The following GMDS variants were observed in gnomAD, a reference collection of about 807,000 sequenced individuals.
GMDS encodes the protein GDP-mannose 4,6-dehydratase.
Under a neutral mutation model 49.9 loss-of-function variants are expected in GMDS, and 20 were observed. That is an observed-to-expected ratio of 0.40 (90% CI 0.28 to 0.58). The LOEUF is 0.58. Among genes scored for constraint, GMDS ranks in the 20% least tolerant of loss-of-function variants. The pLI is 0.42. For missense variants in GMDS, 362 were observed against 481.4 expected, an observed-to-expected ratio of 0.75 and a Z score of 2.32; for synonymous variants, 177 against 178.6, an observed-to-expected ratio of 0.99 and a Z score of 0.07.
intron 1 of GMDS, among the ~76,000 whole-genome samples, chr6:2,244,788 C>G (rs1467527720): frequency 2.0e-5 from 3 of 152,048 alleles, no homozygotes; most frequent in African/African-American, 7.3e-5. Context: ...TAGTAGGTGA[C>G]TCCACAGCAT....
rs192685213 is a variant in GMDS at position 2,093,361 on chromosome 6, G to A, written c.345+22410C>T. On this transcript the variant is annotated intron_variant, in intron 4 of 10. Coordinates refer to ENST00000380815, the MANE Select transcript of GMDS (RefSeq NM_001500.4). ...TTTTGCATTATGCATTCTGTTTCTC[G>A]TAAAAGATGAATGATGAGAAAACAA... Among the ~76,000 whole-genome samples the A allele has an allele frequency of 2.7e-3, 413 of 152,130 alleles. 2 individuals are homozygous for A. Among genetic ancestry groups the A allele is most frequent in the African/African-American group, 9.6e-3 (398 of 41,496 alleles).
chr6:1,853,569 T>A (rs11969147), intron 7 of GMDS, among the ~76,000 whole-genome samples: 4,143 of 142,584 alleles, frequency 0.029, 191 homozygotes, highest in African/African-American at 0.1. Context: ...CTCATATGAG[T>A]GTGTGTGTGT....
intron 7 of GMDS, among the ~76,000 whole-genome samples, chr6:1,809,278 T>C (rs1159297596): frequency 2.6e-5 from 4 of 152,206 alleles, no homozygotes; most frequent in Non-Finnish European, 5.9e-5. Flanking sequence ...AAGTGTAAAA[T>C]ACTAGTGTCC....
At chr6:2,214,762 T>C (rs188129288) in intron 1 of GMDS, among the ~76,000 whole-genome samples, 1 of 152,228 alleles carries the variant, frequency 6.6e-6, no homozygotes, top group Admixed American at 6.5e-5. Context: ...TGATCCTCCC[T>C]CCTCAGCCTC....
intron 4 of GMDS, among the ~76,000 whole-genome samples, chr6:2,097,359 A>G (rs923807900): frequency 6.6e-6 from 1 of 151,890 alleles, no homozygotes; most frequent in African/African-American, 2.4e-5. Context: ...CTAGGGAAGG[A>G]GATGGTGGTG....
intron 1 of GMDS, among the ~76,000 whole-genome samples, chr6:2,173,690 T>C (rs1385783180): frequency 6.6e-6 from 1 of 152,246 alleles, no homozygotes; most frequent in Admixed American, 6.5e-5. Context: ...TTGCTTGTAG[T>C]TCTGATAATC....
At chr6:1,687,047 G>C (rs1268647345) in intron 9 of GMDS, among the ~76,000 whole-genome samples, 1 of 152,066 alleles carries the variant, frequency 6.6e-6, no homozygotes, top group African/African-American at 2.4e-5. Context: ...TCACAAGTAG[G>C]ACTGGAACTC....
Position 2,237,827 on chromosome 6 carries a change from G to C in GMDS, c.102+7494C>G, listed in dbSNP as rs544251840. On this transcript the variant is annotated intron_variant, in intron 1 of 10. Coordinates refer to ENST00000380815, the MANE Select transcript of GMDS (RefSeq NM_001500.4). ...ATGAGCCACCTCGCCCCGCCTGGAA[G>C]TATCTTTAACATTAGGAAATGCAAA... Among the ~76,000 whole-genome samples, 9 of 152,136 alleles carry C rather than the reference G, an allele frequency of 5.9e-5. No individual in the cohort carries two copies. In the South Asian group the frequency reaches 1.7e-3, roughly 28 times the overall value.
intron 9 of GMDS, among the ~76,000 whole-genome samples, chr6:1,686,468 C>T (rs976467533): frequency 6.6e-6 from 1 of 152,146 alleles, no homozygotes; most frequent in Non-Finnish European, 1.5e-5. Context: ...ACACTTTGGC[C>T]ATCATTCTCT....
intron 4 of GMDS, among the ~76,000 whole-genome samples, chr6:2,045,764 C>A (rs1243084759): frequency 6.9e-6 from 1 of 144,128 alleles, no homozygotes. Flanking sequence ...AGAGCTAGCC[C>A]CAGTCAAAAA....
At chr6:2,170,314 T>C (rs1249783483) in intron 1 of GMDS, among the ~76,000 whole-genome samples, 5 of 152,164 alleles carry the variant, frequency 3.3e-5, no homozygotes, top group South Asian at 2.1e-4. Flanking sequence ...CTTGTTACCA[T>C]ATGTTCTAAA....
At chr6:1,834,509 A>C (rs960009572) in intron 7 of GMDS, among the ~76,000 whole-genome samples, 2 of 152,172 alleles carry the variant, frequency 1.3e-5, no homozygotes, top group African/African-American at 4.8e-5. Flanking sequence ...AAATAACAAA[A>C]CACAACAAAA....
At chr6:1,633,350 T>C (rs1288571393) in intron 9 of GMDS, among the ~76,000 whole-genome samples, 1 of 152,196 alleles carries the variant, frequency 6.6e-6, no homozygotes, top group Non-Finnish European at 1.5e-5. Context: ...TGCAAACATT[T>C]CACAGTCTCT....
intron 4 of GMDS, among the ~76,000 whole-genome samples, chr6:2,078,184 A>G (rs970509304): frequency 5.9e-5 from 9 of 152,020 alleles, no homozygotes; most frequent in Admixed American, 2.6e-4. Context: ...TAGTCAAGCT[A>G]GTGATTTATC....
chr6:1,906,604 A>G (rs990464675), intron 7 of GMDS, among the ~76,000 whole-genome samples: 2 of 152,186 alleles, frequency 1.3e-5, no homozygotes, highest in Non-Finnish European at 2.9e-5. Context: ...TTTTCAAAGA[A>G]ATTCTCAAGA....
intron 4 of GMDS, among the ~76,000 whole-genome samples, chr6:1,961,350 T>C (rs1379016742): frequency 5.9e-5 from 9 of 152,204 alleles, no homozygotes; most frequent in African/African-American, 2.2e-4. Flanking sequence ...ACATTTTTAA[T>C]GAGCCCCAGT....
chr6:2,139,320 A>G (rs1193861778), intron 1 of GMDS, among the ~76,000 whole-genome samples: 1 of 152,256 alleles, frequency 6.6e-6, no homozygotes, highest in Non-Finnish European at 1.5e-5. Flanking sequence ...GAACACAGAA[A>G]AAGTATATAC....
chr6:2,188,836 G>A (rs1426565016), intron 1 of GMDS, among the ~76,000 whole-genome samples: 1 of 152,198 alleles, frequency 6.6e-6, no homozygotes, highest in African/African-American at 2.4e-5. Context: ...AGGTGAGGAC[G>A]TGGAAGAGGC....
At chr6:1,659,912 G>T (rs910348719) in intron 9 of GMDS, among the ~76,000 whole-genome samples, 2 of 151,190 alleles carry the variant, frequency 1.3e-5, no homozygotes, top group Non-Finnish European at 2.9e-5. Context: ...TAGTTTCCCT[G>T]ACATGTTAAT....
Sources: gnomAD v4.1 joint callset for allele counts (sites outside exome capture counted in the v4.1 genomes callset) on GRCh38, gnomAD v4.1.1 for gene constraint, MANE v1.5 for transcripts, NCBI Gene and HGNC (gene_info 2026-07-23, HGNC 2026-07-21) for gene names.